The following UBQLN1 variants were observed in gnomAD, a reference collection of about 807,000 sequenced individuals.
The protein encoded by UBQLN1 is ubiquilin 1, also known as ubiquilin-1.
Under a neutral mutation model 65.4 loss-of-function variants are expected in UBQLN1, and 13 were observed. The observed-to-expected ratio is 0.20, with a 90% CI of 0.13 to 0.32. The LOEUF (loss-of-function observed/expected upper bound fraction) is 0.32, where lower values mean the gene tolerates loss of function less well. Ranked by LOEUF, UBQLN1 falls within the 10% of genes least tolerant of loss-of-function variation. UBQLN1 has a pLI of 1.00. For synonymous variants in UBQLN1, 267 were observed against 247.8 expected (o/e 1.08, Z -0.73); for missense variants, 561 against 724.0 (o/e 0.77, Z 2.58).
At chr9:83,675,302 T>C (rs1018550250) in intron 6 of UBQLN1, among the ~76,000 whole-genome samples, 12 of 152,164 alleles carry the variant, frequency 7.9e-5, no homozygotes, top group Non-Finnish European at 1.6e-4. Flanking sequence ...TGAATTACTA[T>C]ATGAATTCGT....
chr9:83,690,534 C>T (rs1458668898), intron 1 of UBQLN1, among the ~76,000 whole-genome samples: 2 of 152,076 alleles, frequency 1.3e-5, no homozygotes, highest in Admixed American at 1.3e-4. Flanking sequence ...CTATACTGTA[C>T]TTTAATAAAA....
At chr9:83,687,185 T>A (rs893827352) in intron 1 of UBQLN1, among the ~76,000 whole-genome samples, 1 of 152,112 alleles carries the variant, frequency 6.6e-6, no homozygotes, top group African/African-American at 2.4e-5. Context: ...CAGGGAAAGC[T>A]TTCCCTAAGT....
In UBQLN1 at chr9:83,677,876, G is replaced by C; in HGVS notation, c.956C>G (p.Pro319Arg). ...CTGTGGAGCCCATGGATTGGGTAGTGGATCTCTATTTTCTGTACGGGAAGG... is the reference window on the plus strand; with the variant it reads ...CTGTGGAGCCCATGGATTGGGTAGTCGATCTCTATTTTCTGTACGGGAAGG... ...SQPSRTENRD[P>R]LPNPWAPQTS... The change falls in exon 6 of 11, where the codon CCA (proline) becomes CGA (arginine). Residue 319 changes from proline (P) to arginine (R), a missense_variant. Pro to Arg is a moderately radical substitution (Grantham distance 103). This residue lies in a region of UBQLN1 where 89 missense variants were observed against 77.8 expected (regional missense o/e 1.14). Transcript: ENST00000376395. 1.2e-6 allele frequency: 2 copies of C among 1,614,136 alleles called. No individual in the cohort carries two copies. The highest frequency in any genetic ancestry group is 1.6e-4 in the Middle Eastern group (1 of 6,062).
At chr9:83,662,273 T>TACACACACACACACAC (rs370539805) in intron 10 of UBQLN1, among the ~76,000 whole-genome samples, 1 of 143,350 alleles carries the variant, frequency 7.0e-6, no homozygotes, top group Admixed American at 6.9e-5. Flanking sequence ...CATATACATA[T>TACACACACACACACAC]ACACACACAC....
intron 1 of UBQLN1, among the ~76,000 whole-genome samples, chr9:83,697,051 C>T (rs1178082293): frequency 6.6e-6 from 1 of 152,058 alleles, no homozygotes; most frequent in African/African-American, 2.4e-5. Context: ...GCTGGGACTA[C>T]AGGCTTGCAC....
chr9:83,663,297 A>C (rs1293357583), intron 10 of UBQLN1, among the ~76,000 whole-genome samples: 1 of 152,218 alleles, frequency 6.6e-6, no homozygotes, highest in African/African-American at 2.4e-5. Flanking sequence ...TAAACTGGCG[A>C]TCATCTTTAT....
chr9:83,666,490 C>T, intron 7 of UBQLN1, 57 bp from the exon 8 acceptor site: 2 of 1,531,536 alleles, frequency 1.3e-6, no homozygotes, highest in Non-Finnish European at 1.8e-6. Context: ...AAGTAATGTA[C>T]CTTGTTTTAT....
intron 8 of UBQLN1, 55 bp from the exon 9 acceptor site, chr9:83,665,200 A>G (rs1831625076): frequency 4.4e-6 from 6 of 1,350,956 alleles, no homozygotes; most frequent in Middle Eastern, 1.8e-4. Flanking sequence ...GTGAACGTAA[A>G]TTTTTAAATC....
At chr9:83,664,481 C>CAT (rs1409039062) in intron 9 of UBQLN1, among the ~76,000 whole-genome samples, 1 of 152,068 alleles carries the variant, frequency 6.6e-6, no homozygotes, top group Non-Finnish European at 1.5e-5. Context: ...TAAAAACAAT[C>CAT]ATAGCCAGGC....
At chr9:83,677,530 C>T (rs953791425) in intron 6 of UBQLN1, among the ~76,000 whole-genome samples, 197 bp downstream of exon 6, 1 of 152,094 alleles carries the variant, frequency 6.6e-6, no homozygotes, top group Non-Finnish European at 1.5e-5. Context: ...CCATTGTACT[C>T]CAGCCTGTGC....
rs1396755703 is a variant in UBQLN1 at position 83,677,884 on chromosome 9, A to G, written c.948T>C (p.Asn316=). 2 of 1,613,952 alleles carry G rather than the reference A, an allele frequency of 1.2e-6. No individual in the cohort carries two copies. Among genetic ancestry groups the G allele is most frequent in the Non-Finnish European group, 1.7e-6 (2 of 1,180,034 alleles). ...CCCATGGATTGGGTAGTGGATCTCT[A>G]TTTTCTGTACGGGAAGGTTGACTAC... ...GEGSQPSRTE[N]RDPLPNPWAP... The change falls in exon 6 of 11, where the codon AAT becomes AAC. Residue 316 remains asparagine, a synonymous_variant. Transcript: ENST00000376395.
At chr9:83,666,654 G>A in intron 7 of UBQLN1, 1 of 410,430 alleles carries the variant, frequency 2.4e-6, no homozygotes, top group South Asian at 6.2e-5. Flanking sequence ...TGAGAATGGT[G>A]GTTATGATAA....
chr9:83,701,311 T>C (rs1012000394), intron 1 of UBQLN1, among the ~76,000 whole-genome samples: 3 of 152,230 alleles, frequency 2.0e-5, no homozygotes, highest in Admixed American at 2.0e-4. Context: ...GAAATCACTT[T>C]AGTCTTGTAA....
At position 83,686,024 on chromosome 9, in the gene UBQLN1, A is replaced by C. The variant is rs962106527; in HGVS notation, c.312T>G (p.Leu104=). ...CATACCTGTTTTGTGTTTTAATGACAAGGTGAACAGTAAGTCCATCATGAA... is the reference window on the plus strand; with the variant it reads ...CATACCTGTTTTGTGTTTTAATGACCAGGTGAACAGTAAGTCCATCATGAA... The part of the protein sequence containing the change: ...HGIHDGLTVH[L]VIKTQNRPQD... The change falls in exon 2 of 11, where the codon CTT becomes CTG. Residue 104 remains leucine (L), a synonymous_variant. Coordinates refer to ENST00000376395, the MANE Select transcript of UBQLN1 (RefSeq NM_013438.5). 1.9e-6 allele frequency: 3 copies of C among 1,605,652 alleles called. No individual in the cohort carries two copies. Among genetic ancestry groups the C allele is most frequent in the Admixed American group, 3.4e-5 (2 of 58,198 alleles).
intron 1 of UBQLN1, among the ~76,000 whole-genome samples, chr9:83,687,899 C>T (rs1235149185): frequency 6.6e-6 from 1 of 152,154 alleles, no homozygotes; most frequent in Non-Finnish European, 1.5e-5. Context: ...TATTTTGAAG[C>T]TTTTCCATCT....
intron 10 of UBQLN1, among the ~76,000 whole-genome samples, chr9:83,663,341 T>C (rs568469907): frequency 6.6e-6 from 1 of 152,274 alleles, no homozygotes; most frequent in East Asian, 1.9e-4. Flanking sequence ...CCAATGTATG[T>C]TTGTAGATGC....
At chr9:83,677,529 T>A (rs921055221) in intron 6 of UBQLN1, among the ~76,000 whole-genome samples, 198 bp downstream of exon 6, 1 of 152,092 alleles carries the variant, frequency 6.6e-6, no homozygotes, top group Non-Finnish European at 1.5e-5. Context: ...GCCATTGTAC[T>A]CCAGCCTGTG....
intron 1 of UBQLN1, among the ~76,000 whole-genome samples, chr9:83,702,661 C>T (rs1275187375): frequency 6.6e-6 from 1 of 151,976 alleles, no homozygotes; most frequent in Non-Finnish European, 1.5e-5. Context: ...TTGTTCATAC[C>T]AAATTTTCAA....
intron 1 of UBQLN1, among the ~76,000 whole-genome samples, chr9:83,700,695 C>G (rs1178878106): frequency 6.6e-6 from 1 of 151,980 alleles, no homozygotes; most frequent in Admixed American, 6.6e-5. Flanking sequence ...TTCTAGGTAG[C>G]AAGAACAAAC....
Sources: allele counts gnomAD v4.1 joint callset (sites outside exome capture counted in the v4.1 genomes callset), GRCh38; gene constraint gnomAD v4.1.1; regional missense constraint gnomAD v4.1.1; transcripts MANE v1.5; gene names NCBI Gene and HGNC (gene_info 2026-07-23, HGNC 2026-07-21).